The following GAA variants were observed in gnomAD, a reference collection of about 807,000 sequenced individuals.
GAA encodes the protein lysosomal alpha-glucosidase.
GAA carries 88 observed loss-of-function variants against 103.9 expected under a neutral mutation model. The observed-to-expected ratio is 0.85, with a 90% CI of 0.71 to 1.01. The LOEUF (loss-of-function observed/expected upper bound fraction) is 1.01. GAA is among the 50% of genes least tolerant of loss of function. GAA has a pLI of 0.00. For synonymous variants in GAA, 572 were observed against 563.1 expected (o/e 1.02, Z -0.22); for missense variants, 1,350 against 1,305.3 (o/e 1.03, Z -0.53).
intron 9 of GAA, 41 bp from the exon 10 acceptor site, chr17:80,110,686 G>A (rs764556150): frequency 6.4e-7 from 1 of 1,558,338 alleles, no homozygotes; most frequent in African/African-American, 1.4e-5. Context: ...GCAGGCCCTG[G>A]GTGGGGCCGG....
At position 80,108,927 on chromosome 17, in the gene GAA, G is replaced by A. The variant is rs566767200; in HGVS notation, c.1326+99G>A. 30 of 1,408,908 alleles carry A rather than the reference G, an allele frequency of 2.1e-5. No homozygotes were observed. In the African/African-American group the frequency reaches 2.6e-4, roughly 12 times the overall value. The allele number at this position is 1,408,908 out of a possible 1,614,324, so 87.3% of individuals were successfully genotyped here. On this transcript the variant is annotated intron_variant, in intron 8 of 19. Coordinates refer to ENST00000302262, the MANE Select transcript of GAA (RefSeq NM_000152.5). ...TCATCCTCGTGCCTGTGTGGTCGCC[G>A]AGGATGTTTTCTGAGGGTCTTTGTG...
rs375681364 is a variant in GAA at position 80,113,287 on chromosome 17, G to T, written c.2110G>T (p.Ala704Ser). 4.4e-6 allele frequency: 7 copies of T among 1,599,594 alleles called. No homozygotes were observed. The highest frequency in any genetic ancestry group is 6.0e-6 in the Non-Finnish European group (7 of 1,173,590). ...GAGGAAGGCCCTCACCCTGCGCTAC[G>T]CACTCCTCCCCCACCTCTACACACT... ...AMRKALTLRY[A>S]LLPHLYTLFH... Residue 704 changes from alanine to serine, a missense_variant, in exon 15 of 20, where the codon GCA becomes TCA. Ala to Ser is a moderately conservative substitution (Grantham distance 99). Transcript: ENST00000302262.
rs530099203 is a variant in GAA, at chr17:80,118,591, C to A, written c.2647-62C>A. On this transcript the variant is annotated intron_variant, in intron 18 of 19. Transcript: ENST00000302262. ...GTCCCTGTTCTCATGGGTGTTCCTG[C>A]CCCAGCTGTCTGCTGACACCTCCAC... is the stretch of plus-strand genomic sequence containing the variant. 3.1e-6 allele frequency: 5 copies of A among 1,592,246 alleles called. No individual in the cohort carries two copies. The South Asian group carries it at 4.4e-5, about 14-fold the overall frequency.
intron 19 of GAA, 91 bp from the exon 20 acceptor site, chr17:80,119,181 T>A: frequency 7.9e-7 from 1 of 1,265,190 alleles, no homozygotes; most frequent in Non-Finnish European, 1.2e-6. Context: ...GCTGCTGGGA[T>A]CTCGGGGCCA....
At chr17:80,114,393 A>C (rs2039316981) in intron 15 of GAA, among the ~76,000 whole-genome samples, 1 of 151,494 alleles carries the variant, frequency 6.6e-6, no homozygotes, top group African/African-American at 2.4e-5. Context: ...TTACTATTTT[A>C]ATGACCTTGT....
intron 11 of GAA, chr17:80,111,649 G>A: frequency 5.1e-6 from 2 of 394,956 alleles, no homozygotes; most frequent in South Asian, 5.2e-5. Context: ...GCCCAGCAAA[G>A]AATCAGTGAG....
At position 80,119,528 on chromosome 17, in the gene GAA, C is replaced by G; in HGVS notation, c.*197C>G. The G allele has an allele frequency of 1.6e-6, 1 of 625,556 alleles. No homozygotes were observed. The highest frequency in any genetic ancestry group is 2.9e-5 in the East Asian group (1 of 34,638). 38.8% of individuals were successfully genotyped at this position (625,556 alleles called of 1,614,324 possible). A position where few individuals can be genotyped will look rare whatever the true frequency, so the allele number is the denominator to read the frequency against. The stretch of plus-strand genomic sequence containing the variant: ...CTGGCCCCCAACGTGTCTAGGAGAG[C>G]TTTCTCCCTAGATCGCACTGTGGGC... On this transcript the variant is annotated 3_prime_UTR_variant, in exon 20 of 20. Coordinates refer to ENST00000302262, the MANE Select transcript of GAA (RefSeq NM_000152.5).
At position 80,117,520 on chromosome 17, in the gene GAA, G is replaced by C. The variant is rs777152205; in HGVS notation, c.2332-80G>C. 199 of 1,534,796 alleles carry C rather than the reference G, an allele frequency of 1.3e-4. 1 individual carries two copies. The highest frequency in any genetic ancestry group is 3.3e-5 in the Admixed American group (2 of 59,912). ...CCTAGGCCTCCACGTGGAGCCCCGG[G>C]AGATGGAGAGCGTGGTTCCTGAGGA... On this transcript the variant is annotated intron_variant, in intron 16 of 19. Coordinates refer to ENST00000302262, the MANE Select transcript of GAA (RefSeq NM_000152.5).
At position 80,119,318 on chromosome 17, in the gene GAA, T is replaced by A. The variant is rs1245412108; in HGVS notation, c.2846T>A (p.Val949Asp). ...VSLLMGEQFLVSWC is the reference protein window; with the variant it reads ...VSLLMGEQFLDSWC The stretch of plus-strand genomic sequence containing the variant: ...CTGTTGATGGGAGAGCAGTTTCTCG[T>A]CAGCTGGTGTTAGCCGGGCGGAGTG... Residue 949 changes from valine (V) to aspartate (D), a missense_variant, in exon 20 of 20, where the codon GTC becomes GAC. Val to Asp is a radical substitution (Grantham distance 152). Transcript: ENST00000302262. The A allele has an allele frequency of 1.2e-6, 2 of 1,613,836 alleles. No individual in the cohort carries two copies. Among genetic ancestry groups the A allele is most frequent in the African/African-American group, 2.7e-5 (2 of 74,908 alleles).
Position 80,107,894 on chromosome 17 carries a change from T to C in GAA, c.953T>C (p.Met318Thr), listed in dbSNP as rs121907936. The change falls in exon 5 of 20, where the codon ATG becomes ACG. Residue 318 changes from methionine (M) to threonine (T), a missense_variant and splice_region_variant. By Grantham distance (81) the Met-to-Thr change is moderately conservative. Transcript: ENST00000302262. ...GTGTTCCTGCTAAACAGCAATGCCATGGGTAAGCTGCCCGCCGCCCAGCGC... is the reference window on the plus strand; with the variant it reads ...GTGTTCCTGCTAAACAGCAATGCCACGGGTAAGCTGCCCGCCGCCCAGCGC... Reference protein sequence around the residue: ...HGVFLLNSNAMDVVLQPSPAL... With the variant: ...HGVFLLNSNATDVVLQPSPAL... The C allele has an allele frequency of 4.2e-5, 68 of 1,607,946 alleles. No homozygotes were observed. The highest frequency in any genetic ancestry group is 9.4e-5 in the African/African-American group (7 of 74,816).
Position 80,118,615 on chromosome 17 carries a change from A to G in GAA, c.2647-38A>G, listed in dbSNP as rs1055573279. ...GCCCCAGCTGTCTGCTGACACCTCC[A>G]CATTCTCTGCCTTTTCATCTCTCTC... On this transcript the variant is annotated intron_variant, in intron 18 of 19. Coordinates refer to ENST00000302262, the MANE Select transcript of GAA (RefSeq NM_000152.5). 4 of 1,608,798 alleles carry G rather than the reference A, an allele frequency of 2.5e-6. No individual in the cohort carries two copies. In the African/African-American group the frequency reaches 5.3e-5, roughly 21 times the overall value.
intron 15 of GAA, 179 bp from the exon 16 acceptor site, chr17:80,116,789 A>G (rs2143917250): frequency 1.5e-6 from 1 of 676,936 alleles, no homozygotes; most frequent in Non-Finnish European, 2.6e-6. Flanking sequence ...CAGCTCCGGC[A>G]TTGACTTCTA....
rs550314730 is a variant in GAA, at chr17:80,119,641, C to T, written c.*310C>T. The T allele has an allele frequency of 2.3e-4, 90 of 392,234 alleles. No individual in the cohort carries two copies. The highest frequency in any genetic ancestry group is 3.8e-4 in the Non-Finnish European group (78 of 204,628). 24.3% of individuals were successfully genotyped at this position (392,234 alleles called of 1,614,324 possible). A position where few individuals can be genotyped will look rare whatever the true frequency, so the allele number is the denominator to read the frequency against. On this transcript the variant is annotated 3_prime_UTR_variant, in exon 20 of 20. Transcript: ENST00000302262. ...CCGGCATGCGGGTAGTATTAGCCACCCCCCTCCATCTGTTCCCAGCACCGG... is the reference window on the plus strand; with the variant it reads ...CCGGCATGCGGGTAGTATTAGCCACTCCCCTCCATCTGTTCCCAGCACCGG...
intron 5 of GAA, 28 bp downstream of exon 5, chr17:80,107,924 G>T: frequency 6.3e-7 from 1 of 1,575,222 alleles, no homozygotes; most frequent in Non-Finnish European, 8.6e-7. Context: ...CAGCGCCCGG[G>T]CCGGGGTCTC....
chr17:80,117,558 C>A, intron 16 of GAA, 42 bp from the exon 17 acceptor site: 1 of 1,611,786 alleles, frequency 6.2e-7, no homozygotes, highest in Non-Finnish European at 8.5e-7. Context: ...GCATGGGGGC[C>A]TCGGCACGGC....
chr17:80,106,936 C>G (rs777180327), intron 3 of GAA, among the ~76,000 whole-genome samples: 3 of 152,178 alleles, frequency 2.0e-5, no homozygotes, highest in Non-Finnish European at 4.4e-5. Flanking sequence ...AACAAACAGG[C>G]ATCTTATCAG....
chr17:80,113,154 G>C (rs2304833), intron 14 of GAA, 64 bp from the exon 15 acceptor site: 1 of 1,540,256 alleles, frequency 6.5e-7, no homozygotes, highest in Non-Finnish European at 8.7e-7. Context: ...CTCCCGAGGC[G>C]GGGACTCCAG....
intron 15 of GAA, among the ~76,000 whole-genome samples, chr17:80,114,420 C>CTTTTTTTTTTT (rs11358043): frequency 7.3e-6 from 1 of 137,096 alleles, no homozygotes; most frequent in Non-Finnish European, 1.6e-5. Flanking sequence ...TGTCACTACA[C>CTTTTTTTTTTT]TTTTTTTTTT....
In GAA at chr17:80,104,874, G is replaced by C; in HGVS notation, c.288G>C (p.Lys96Asn). ...GCCGCTTCGATTGCGCCCCTGACAA[G>C]GCCATCACCCAGGAACAGTGCGAGG... ...PNSRFDCAPDKAITQEQCEAR... is the reference protein window; with the variant it reads ...PNSRFDCAPDNAITQEQCEAR... Residue 96 changes from lysine to asparagine, a missense_variant, in exon 2 of 20, where the codon AAG becomes AAC. Coordinates refer to ENST00000302262, the MANE Select transcript of GAA (RefSeq NM_000152.5). The surrounding 1 kb of genome is among the most constrained non-coding windows in gnomAD (Gnocchi z 4.0). 5.0e-6 allele frequency: 8 copies of C among 1,612,890 alleles called. No homozygotes were observed. The highest frequency in any genetic ancestry group is 6.8e-6 in the Non-Finnish European group (8 of 1,179,876).
Sources: allele counts gnomAD v4.1 joint callset (sites outside exome capture counted in the v4.1 genomes callset), GRCh38; gene constraint gnomAD v4.1.1; non-coding constraint Gnocchi (gnomAD v3.1); transcripts MANE v1.5; gene names NCBI Gene and HGNC (gene_info 2026-07-23, HGNC 2026-07-21).